The following DMD variants were observed in gnomAD, a reference collection of about 807,000 sequenced individuals.
DMD encodes mutant dystrophin.
A neutral mutation model predicts 330.1 loss-of-function variants in DMD; 63 were observed. That is an observed-to-expected ratio of 0.19 (90% CI 0.16 to 0.24). The LOEUF (loss-of-function observed/expected upper bound fraction) is 0.24, where lower values mean the gene tolerates loss of function less well. Among genes scored for constraint, DMD ranks in the 10% least tolerant of loss-of-function variants. DMD has a pLI of 1.00. For synonymous variants in DMD, 1,223 were observed against 959.8 expected (o/e 1.27, Z -5.07); for missense variants, 3,344 against 2,684.1 (o/e 1.25, Z -5.43).
rs2071838480 is a variant in DMD at position 32,758,788 on chromosome X, G to A, written c.649+50705C>T. On this transcript the variant is annotated intron_variant, in intron 7 of 78. Transcript: ENST00000357033. ...TAAAGGGTGGCTATTATTTTCACCT[G>A]GAGCAAAACGACCACAAATAGGGGC... Among the ~76,000 whole-genome samples, 5 of 111,361 alleles carry A rather than the reference G, an allele frequency of 4.5e-5. No homozygotes were observed. The Admixed American group carries it at 4.8e-4, about 11-fold the overall frequency.
intron 44 of DMD, among the ~76,000 whole-genome samples, chrX:32,026,578 A>C (rs1466895668): frequency 8.9e-6 from 1 of 112,848 alleles, no homozygotes; most frequent in African/African-American, 3.2e-5. Flanking sequence ...GCCAAAACAA[A>C]ATATTATTCA....
chrX:32,425,233 C>T (rs891804769), intron 29 of DMD, among the ~76,000 whole-genome samples: 1 of 111,146 alleles, frequency 9.0e-6, no homozygotes, highest in African/African-American at 3.3e-5. Flanking sequence ...CCCCCTTTAC[C>T]GTGCAGAGTC....
chrX:33,287,964 T>C (rs1262813097), intron 1 of DMD, among the ~76,000 whole-genome samples: 2 of 111,703 alleles, frequency 1.8e-5, no homozygotes, highest in Non-Finnish European at 3.8e-5. Context: ...TAAGTGCCAC[T>C]ACCCTTGTCA....
At chrX:32,238,972 CTGTTT>C (rs1456817937) in intron 43 of DMD, among the ~76,000 whole-genome samples, 4 of 111,933 alleles carry the variant, frequency 3.6e-5, no homozygotes, top group Non-Finnish European at 5.6e-5. Context: ...TGCCTCTCTT[CTGTTT>C]TATTTTTAAC....
intron 53 of DMD, among the ~76,000 whole-genome samples, chrX:31,671,656 A>T (rs1373831055): frequency 9.0e-6 from 1 of 111,691 alleles, no homozygotes; most frequent in East Asian, 2.8e-4. Flanking sequence ...TACCAATTCA[A>T]TTTCTTGTTA....
intron 60 of DMD, among the ~76,000 whole-genome samples, chrX:31,425,708 A>ACACACACACACACACACACACG (rs1454380927): frequency 3.4e-5 from 3 of 87,269 alleles, no homozygotes; most frequent in African/African-American, 1.5e-4. Context: ...ACACACACAC[A>ACACACACACACACACACACACG]CACGCACACA....
chrX:32,419,643 G>T (rs751817818), intron 29 of DMD, among the ~76,000 whole-genome samples: 67 of 112,009 alleles, frequency 6.0e-4, no homozygotes, highest in Non-Finnish European at 1.1e-3. Context: ...AACACACCTG[G>T]GAGAAAACTC....
intron 2 of DMD, among the ~76,000 whole-genome samples, chrX:32,855,723 C>A (rs190366909): frequency 1.8e-5 from 2 of 112,003 alleles, no homozygotes; most frequent in East Asian, 2.8e-4. Context: ...TACAAGAAAT[C>A]ATTGGGATAA....
intron 44 of DMD, among the ~76,000 whole-genome samples, chrX:32,084,796 C>T (rs190101567): frequency 1.0e-3 from 114 of 111,184 alleles, no homozygotes; most frequent in Non-Finnish European, 1.1e-3. Context: ...ACTCTGAGAG[C>T]AATTGAGATC....
At chrX:33,175,761 A>G (rs753477117) in intron 1 of DMD, among the ~76,000 whole-genome samples, 1 of 111,917 alleles carries the variant, frequency 8.9e-6, no homozygotes, top group Non-Finnish European at 1.9e-5. Flanking sequence ...ATTACCTTCT[A>G]TTGTGAAGGA....
intron 44 of DMD, among the ~76,000 whole-genome samples, chrX:32,147,158 G>T (rs1397530399): frequency 1.8e-5 from 2 of 111,196 alleles, no homozygotes; most frequent in East Asian, 5.6e-4. Context: ...AAACTCAAGG[G>T]CCCATATGGT....
chrX:32,171,317 A>T (rs1434452279), intron 44 of DMD, among the ~76,000 whole-genome samples: 1 of 111,992 alleles, frequency 8.9e-6, no homozygotes. Context: ...AGGCAGTTTT[A>T]GAGAGGAGAA....
chrX:31,189,937 T>C (rs1010454548), intron 67 of DMD, among the ~76,000 whole-genome samples: 2 of 112,624 alleles, frequency 1.8e-5, no homozygotes, highest in Non-Finnish European at 3.7e-5. Context: ...TTCTATGTGA[T>C]GGTATCACAC....
intron 20 of DMD, among the ~76,000 whole-genome samples, chrX:32,487,674 A>G (rs2042615359): frequency 9.0e-6 from 1 of 111,303 alleles, no homozygotes; most frequent in African/African-American, 3.3e-5. Context: ...AAACATAAAT[A>G]CAGCTTTCAG....
intron 9 of DMD, 26 bp downstream of exon 9, chrX:32,697,844 A>G: frequency 8.3e-7 from 1 of 1,210,095 alleles, no homozygotes; most frequent in Non-Finnish European, 1.1e-6. Flanking sequence ...TCTGGTTTGT[A>G]CAACAGAGAG....
At chrX:32,704,289 T>A (rs2064400772) in intron 7 of DMD, among the ~76,000 whole-genome samples, 2 of 89,718 alleles carry the variant, frequency 2.2e-5, no homozygotes, top group African/African-American at 1.8e-4. Context: ...GAAGACCAAG[T>A]ATCGCACAAA....
intron 51 of DMD, among the ~76,000 whole-genome samples, chrX:31,733,687 C>T (rs2086668703): frequency 9.0e-6 from 1 of 111,323 alleles, no homozygotes; most frequent in Non-Finnish European, 1.9e-5. Context: ...TTCTAGTTAC[C>T]GAAAGGGTTT....
chrX:32,480,565 T>C (rs996927498), intron 21 of DMD, among the ~76,000 whole-genome samples: 13 of 111,379 alleles, frequency 1.2e-4, no homozygotes, highest in Admixed American at 2.8e-4. Flanking sequence ...ATACACAATA[T>C]TTGCCTACGT....
intron 55 of DMD, among the ~76,000 whole-genome samples, chrX:31,587,821 A>G (rs1418200075): frequency 8.9e-6 from 1 of 111,829 alleles, no homozygotes; most frequent in East Asian, 2.8e-4. Context: ...TCTTTATTTC[A>G]GCTTAATATT....
Sources: allele counts gnomAD v4.1 joint callset (sites outside exome capture counted in the v4.1 genomes callset), GRCh38; gene constraint gnomAD v4.1.1; transcripts MANE v1.5; gene names NCBI Gene and HGNC (gene_info 2026-07-23, HGNC 2026-07-21).